The following SUCLA2 variants were observed in gnomAD, a reference collection of about 807,000 sequenced individuals.
The protein encoded by SUCLA2 is succinate--CoA ligase [ADP-forming] subunit beta, mitochondrial.
Under a neutral mutation model 54.8 loss-of-function variants are expected in SUCLA2, and 30 were observed. That is an observed-to-expected ratio of 0.55 (90% CI 0.41 to 0.74). The LOEUF (loss-of-function observed/expected upper bound fraction) is 0.74, where lower values mean the gene tolerates loss of function less well. SUCLA2 is among the 30% of genes least tolerant of loss of function. The pLI, the probability that SUCLA2 is intolerant of heterozygous loss-of-function variation, is 0.00. For missense variants in SUCLA2, 476 were observed against 562.9 expected (o/e 0.85, Z 1.56); for synonymous variants, 172 against 188.9 (o/e 0.91, Z 0.74).
intron 10 of SUCLA2, among the ~76,000 whole-genome samples, chr13:47,946,582 T>TG (rs966879927): frequency 1.4e-5 from 2 of 138,292 alleles, no homozygotes; most frequent in African/African-American, 5.3e-5. Context: ...AAGGTTGTGT[T>TG]TTTTTTTTTT....
intron 4 of SUCLA2, among the ~76,000 whole-genome samples, chr13:47,986,029 GTTTTTTTTTTT>G (rs36000556): frequency 4.1e-5 from 5 of 122,230 alleles, no homozygotes; most frequent in African/African-American, 1.6e-4. Flanking sequence ...CATATGTATA[GTTTTTTTTTTT>G]TTTTTTTTGA....
chr13:47,972,769 GA>G (rs1448812781), intron 5 of SUCLA2, among the ~76,000 whole-genome samples: 8 of 105,288 alleles, frequency 7.6e-5, no homozygotes, highest in African/African-American at 2.5e-4. Context: ...TTTTTTTTGA[GA>G]TGAGTCTCAC....
intron 6 of SUCLA2, among the ~76,000 whole-genome samples, chr13:47,965,127 G>A (rs1225278046): frequency 2.0e-5 from 3 of 151,894 alleles, no homozygotes; most frequent in African/African-American, 4.8e-5. Context: ...TGATACAAAC[G>A]AATGGGGCAG....
chr13:47,949,407 T>C, intron 9 of SUCLA2, 76 bp downstream of exon 9: 1 of 1,538,394 alleles, frequency 6.5e-7, no homozygotes, highest in Non-Finnish European at 9.0e-7. Flanking sequence ...AAAACTATGT[T>C]TTAACAAACT....
At chr13:47,943,766 G>GTGTGTGTGTATATATATATA (rs1300486540) in intron 10 of SUCLA2, among the ~76,000 whole-genome samples, 2 of 139,672 alleles carry the variant, frequency 1.4e-5, no homozygotes, top group African/African-American at 5.4e-5. Flanking sequence ...GTGTGTGTGT[G>GTGTGTGTGTATATATATATA]TATATATATA....
At position 47,972,940 on chromosome 13, in the gene SUCLA2, G is replaced by A. The variant is rs189551270; in HGVS notation, c.663+324C>T. Among the ~76,000 whole-genome samples the A allele has an allele frequency of 4.3e-3, 656 of 151,212 alleles. 7 individuals are homozygous for A. Among genetic ancestry groups the A allele is most frequent in the African/African-American group, 0.015 (609 of 41,268 alleles). Reference sequence around the variant, plus strand: ...TTTTTTTTGTATTTTTAGTAGAGACGGGGGTTTCACCATATTGGCCAGGCT... The same window carrying A: ...TTTTTTTTGTATTTTTAGTAGAGACAGGGGTTTCACCATATTGGCCAGGCT... On this transcript the variant is annotated intron_variant, in intron 5 of 10. Coordinates refer to ENST00000646932, the MANE Select transcript of SUCLA2 (RefSeq NM_003850.3).
chr13:47,998,720 A>G (rs1950207672), intron 1 of SUCLA2, among the ~76,000 whole-genome samples: 4 of 152,218 alleles, frequency 2.6e-5, no homozygotes, highest in Admixed American at 1.3e-4. Flanking sequence ...GACAGAAGTC[A>G]TAATTGGTTG....
At chr13:47,968,507 T>G in intron 6 of SUCLA2, 88 bp downstream of exon 6, 1 of 1,494,150 alleles carries the variant, frequency 6.7e-7, no homozygotes, top group South Asian at 1.2e-5. Context: ...GAAGTTTAAC[T>G]ACTTTAACTT....
At chr13:47,990,290 A>G (rs1162995834) in intron 2 of SUCLA2, among the ~76,000 whole-genome samples, 1 of 152,152 alleles carries the variant, frequency 6.6e-6, no homozygotes. Flanking sequence ...GGAGGTTGCA[A>G]TGGGCCAAGA....
chr13:47,944,124 C>G (rs1020299667), intron 10 of SUCLA2, among the ~76,000 whole-genome samples: 1 of 152,088 alleles, frequency 6.6e-6, no homozygotes, highest in Non-Finnish European at 1.5e-5. Context: ...AGTTAGATAT[C>G]TTTGGCTGCA....
intron 1 of SUCLA2, among the ~76,000 whole-genome samples, chr13:47,997,758 A>C (rs899810665): frequency 3.3e-5 from 5 of 152,256 alleles, no homozygotes; most frequent in African/African-American, 1.2e-4. Flanking sequence ...AACATGGTTC[A>C]TATGAAACAC....
chr13:47,949,128 G>C, intron 9 of SUCLA2, 100 bp from the exon 10 acceptor site: 1 of 1,148,936 alleles, frequency 8.7e-7, no homozygotes, highest in Non-Finnish European at 1.3e-6. Context: ...CCTCAACAGA[G>C]GAGACTTCCA....
intron 4 of SUCLA2, among the ~76,000 whole-genome samples, chr13:47,979,886 G>T (rs1421645688): frequency 1.3e-5 from 2 of 152,078 alleles, no homozygotes; most frequent in East Asian, 3.8e-4. Context: ...TAAAGATTCT[G>T]CACACACACA....
chr13:47,944,160 T>C (rs1363502996), intron 10 of SUCLA2, among the ~76,000 whole-genome samples: 6 of 152,134 alleles, frequency 3.9e-5, no homozygotes, highest in Admixed American at 3.9e-4. Context: ...GCTTATGACA[T>C]ACAACCTTGA....
chr13:47,953,631 T>C (rs1170997593), intron 8 of SUCLA2, among the ~76,000 whole-genome samples: 1 of 152,200 alleles, frequency 6.6e-6, no homozygotes, highest in African/African-American at 2.4e-5. Context: ...TATTGATTAA[T>C]GACCTACATA....
At chr13:47,945,109 C>T (rs1004481180) in intron 10 of SUCLA2, among the ~76,000 whole-genome samples, 10 of 151,688 alleles carry the variant, frequency 6.6e-5, no homozygotes, top group Admixed American at 6.6e-4. Flanking sequence ...ATTAGCCAGG[C>T]ATGGTGGTAC....
At chr13:47,957,988 A>G (rs912100068) in intron 6 of SUCLA2, among the ~76,000 whole-genome samples, 1 of 152,104 alleles carries the variant, frequency 6.6e-6, no homozygotes, top group Non-Finnish European at 1.5e-5. Flanking sequence ...AAAATGATAC[A>G]CTTTTGCAAT....
chr13:47,991,885 AATATT>A (rs1250931074), intron 2 of SUCLA2, among the ~76,000 whole-genome samples: 1 of 152,184 alleles, frequency 6.6e-6, no homozygotes, highest in African/African-American at 2.4e-5. Flanking sequence ...TATCACAACT[AATATT>A]AGGTAACAAA....
chr13:47,956,650 C>A (rs1725470614), intron 6 of SUCLA2, among the ~76,000 whole-genome samples: 1 of 152,168 alleles, frequency 6.6e-6, no homozygotes, highest in Non-Finnish European at 1.5e-5. Context: ...AAATCTGAAT[C>A]TAAAGTAGTA....
Sources: allele counts gnomAD v4.1 joint callset (sites outside exome capture counted in the v4.1 genomes callset), GRCh38; gene constraint gnomAD v4.1.1; transcripts MANE v1.5; gene names NCBI Gene and HGNC (gene_info 2026-07-23, HGNC 2026-07-21).